The following RUNX2 variants were observed in gnomAD, a reference collection of about 807,000 sequenced individuals.
RUNX2 encodes runt-related transcription factor 2.
A neutral mutation model predicts 51.7 loss-of-function variants in RUNX2; 10 were observed. The ratio of observed to expected loss-of-function variants is 0.19; its 90% CI spans 0.12 to 0.33. RUNX2 has a LOEUF of 0.33. RUNX2 is among the 10% of genes least tolerant of loss of function. The pLI, the probability that RUNX2 is intolerant of heterozygous loss-of-function variation, is 1.00. For synonymous variants in RUNX2, 276 were observed against 273.6 expected (o/e 1.01, Z -0.09); for missense variants, 562 against 691.3 (o/e 0.81, Z 2.10).
Position 45,455,624 on chromosome 6 carries a change from G to A in RUNX2, c.685+17573G>A, listed in dbSNP as rs181136870. ...TAGCACCCGTAAAGGTCCATAAAGG[G>A]CTTAATTTGTAGTCCTTTTATTTAT... On this transcript the variant is annotated intron_variant, in intron 5 of 8. Coordinates refer to ENST00000647337, the MANE Select transcript of RUNX2 (RefSeq NM_001024630.4). Among the ~76,000 whole-genome samples, 10 of 152,232 alleles carry A rather than the reference G, an allele frequency of 6.6e-5. No individual in the cohort carries two copies. The East Asian group carries it at 1.9e-3, about 29-fold the overall frequency.
chr6:45,433,888 C>A (rs928702126), intron 4 of RUNX2, among the ~76,000 whole-genome samples: 1 of 152,102 alleles, frequency 6.6e-6, no homozygotes, highest in Non-Finnish European at 1.5e-5. Flanking sequence ...AGAGCTGACC[C>A]CCTCCCCCTA....
intron 2 of RUNX2, among the ~76,000 whole-genome samples, chr6:45,354,326 A>G (rs1233005077): frequency 1.3e-5 from 2 of 152,186 alleles, no homozygotes; most frequent in Non-Finnish European, 2.9e-5. Context: ...TTCACAATAT[A>G]GCAGGTGAAA....
At chr6:45,332,388 GA>G (rs1787692147) in intron 2 of RUNX2, among the ~76,000 whole-genome samples, 1 of 151,562 alleles carries the variant, frequency 6.6e-6, no homozygotes, top group Non-Finnish European at 1.5e-5. Flanking sequence ...AGTATTCATA[GA>G]AAAAAATCCA....
At position 45,440,682 on chromosome 6, in the gene RUNX2, G is replaced by A. The variant is rs147997539; in HGVS notation, c.685+2631G>A. 3.6e-3 allele frequency among the ~76,000 whole-genome samples: 550 copies of A among 151,758 alleles called. 10 individuals are homozygous for A. The highest frequency in any genetic ancestry group is 0.023 in the Admixed American group (353 of 15,248). ...TTTTTTTAATTTTTGGAATATTTGCGTATATAATGAGATACCTTGGTGATG... is the reference window on the plus strand; with the variant it reads ...TTTTTTTAATTTTTGGAATATTTGCATATATAATGAGATACCTTGGTGATG... On this transcript the variant is annotated intron_variant, in intron 5 of 8. Transcript: ENST00000647337.
intron 2 of RUNX2, among the ~76,000 whole-genome samples, chr6:45,407,501 G>A (rs2150355172): frequency 6.6e-6 from 1 of 151,892 alleles, no homozygotes; most frequent in East Asian, 1.9e-4. Context: ...CATTTTTATT[G>A]TTGTTTTTGA....
intron 5 of RUNX2, among the ~76,000 whole-genome samples, chr6:45,469,604 C>T (rs554078332): frequency 6.6e-6 from 1 of 152,314 alleles, no homozygotes; most frequent in East Asian, 1.9e-4. Flanking sequence ...GAAAGTGCTT[C>T]TTTTTCATTC....
intron 6 of RUNX2, among the ~76,000 whole-genome samples, chr6:45,504,924 G>A (rs1800914997): frequency 6.6e-6 from 1 of 152,146 alleles, no homozygotes; most frequent in Admixed American, 6.5e-5. Flanking sequence ...TGGGATTGTG[G>A]GGATCTTTGA....
intron 2 of RUNX2, among the ~76,000 whole-genome samples, chr6:45,333,357 T>C (rs1787902079): frequency 6.6e-6 from 1 of 151,542 alleles, no homozygotes; most frequent in Admixed American, 6.6e-5. Context: ...GACCATACAT[T>C]CCCATACAAC....
At position 45,423,101 on chromosome 6, in the gene RUNX2, C is replaced by CCT. The variant is rs34916647; in HGVS notation, c.423+146_423+147dup. 1 allele frequency: 1,059,606 copies of CCT among 1,059,648 alleles called. 529,782 individuals carry two copies. The highest frequency in any genetic ancestry group is 1 in the Middle Eastern group (3,250 of 3,250). 65.6% of individuals were successfully genotyped at this position (1,059,648 alleles called of 1,614,324 possible). A position where few individuals can be genotyped will look rare whatever the true frequency, so the allele number is the denominator to read the frequency against. Reference sequence around the variant, plus strand: ...CTAACCCCAGAAACCCCCGGCCGGGCCTCCCTCCGGATGCCCTGGCGGGCT... The same window carrying CCT: ...CTAACCCCAGAAACCCCCGGCCGGGCCTCTCCCTCCGGATGCCCTGGCGGGCT... On this transcript the variant is annotated intron_variant, in intron 3 of 8. Coordinates refer to ENST00000647337, the MANE Select transcript of RUNX2 (RefSeq NM_001024630.4).
chr6:45,338,948 T>C (rs918174574), intron 2 of RUNX2, among the ~76,000 whole-genome samples: 4 of 151,986 alleles, frequency 2.6e-5, no homozygotes, highest in African/African-American at 7.2e-5. Context: ...CACATAAGTA[T>C]AAACTATTTA....
chr6:45,451,416 G>A (rs1454841909), intron 5 of RUNX2, among the ~76,000 whole-genome samples: 1 of 152,250 alleles, frequency 6.6e-6, no homozygotes, highest in Non-Finnish European at 1.5e-5. Context: ...GGCTTATGTG[G>A]ACAATGAGAA....
At chr6:45,522,517 A>G (rs578200796) in intron 7 of RUNX2, among the ~76,000 whole-genome samples, 1 of 152,316 alleles carries the variant, frequency 6.6e-6, no homozygotes, top group Non-Finnish European at 1.5e-5. Flanking sequence ...AACTTTTAAA[A>G]ATTACGTATG....
At chr6:45,413,795 T>C (rs1353111672) in intron 2 of RUNX2, among the ~76,000 whole-genome samples, 1 of 152,020 alleles carries the variant, frequency 6.6e-6, no homozygotes, top group African/African-American at 2.4e-5. Context: ...TTTAATAACA[T>C]ATTAAAAAAA....
intron 2 of RUNX2, among the ~76,000 whole-genome samples, chr6:45,399,633 C>T (rs1163513667): frequency 1.3e-5 from 2 of 151,984 alleles, no homozygotes; most frequent in South Asian, 2.1e-4. Flanking sequence ...GCTGGGATTA[C>T]AGGCGTGAGC....
intron 7 of RUNX2, among the ~76,000 whole-genome samples, chr6:45,529,708 A>C (rs1404171679): frequency 1.3e-5 from 2 of 152,204 alleles, no homozygotes; most frequent in African/African-American, 2.4e-5. Flanking sequence ...CAGAAGCAGC[A>C]GATAACAGAT....
In RUNX2 at chr6:45,548,461, T is replaced by C. The variant is rs1802469590; in HGVS notation, c.*1156T>C. ...AAATGTTATGTTTAGTTCTTTCAGA[T>C]CTTTGAATGCCTCTAACACAGCTTT... On this transcript the variant is annotated 3_prime_UTR_variant, in exon 9 of 9. Coordinates refer to ENST00000647337, the MANE Select transcript of RUNX2 (RefSeq NM_001024630.4). 1 of 152,682 alleles carries C rather than the reference T, an allele frequency of 6.5e-6. No individual in the cohort carries two copies. Among genetic ancestry groups the C allele is most frequent in the Admixed American group, 6.5e-5 (1 of 15,292 alleles). The allele number at this position is 152,682 out of a possible 1,614,324, so 9.5% of individuals were successfully genotyped here. A position where few individuals can be genotyped will look rare whatever the true frequency, so the allele number is the denominator to read the frequency against.
intron 2 of RUNX2, among the ~76,000 whole-genome samples, chr6:45,391,410 G>A (rs1797467675): frequency 2.0e-5 from 3 of 152,162 alleles, no homozygotes; most frequent in Admixed American, 2.0e-4. Context: ...TAAGCTTTCT[G>A]GGCAGATATT....
At position 45,424,170 on chromosome 6, in the gene RUNX2, C is replaced by T. The variant is rs530605588; in HGVS notation, c.423+1213C>T. Reference sequence around the variant, plus strand: ...CGTTAGTTTGAGGGCGGGTGGCAGCCGCGGGAGTCGCAGGCAGGTGCTCCG... The same window carrying T: ...CGTTAGTTTGAGGGCGGGTGGCAGCTGCGGGAGTCGCAGGCAGGTGCTCCG... On this transcript the variant is annotated intron_variant, in intron 3 of 8. Transcript: ENST00000647337. Among the ~76,000 whole-genome samples, 251 of 152,288 alleles carry T rather than the reference C, an allele frequency of 1.6e-3. 1 individual carries two copies. Among genetic ancestry groups the T allele is most frequent in the African/African-American group, 5.6e-3 (231 of 41,572 alleles).
At chr6:45,403,018 A>G in intron 2 of RUNX2, among the ~76,000 whole-genome samples, 1 of 152,162 alleles carries the variant, frequency 6.6e-6, no homozygotes, top group Non-Finnish European at 1.5e-5. Context: ...TATGAGGTTT[A>G]AAAAAGTAAT....
Sources: gnomAD v4.1 joint callset for allele counts (sites outside exome capture counted in the v4.1 genomes callset) on GRCh38, gnomAD v4.1.1 for gene constraint, MANE v1.5 for transcripts, NCBI Gene and HGNC (gene_info 2026-07-23, HGNC 2026-07-21) for gene names.